FTCD: variants seen among roughly 807,000 people sequenced by gnomAD.
FTCD encodes the protein formimidoyltransferase cyclodeaminase.
Under a neutral mutation model 62.9 loss-of-function variants are expected in FTCD, and 76 were observed. That is an observed-to-expected ratio of 1.21 (90% CI 1.00 to 1.46). The LOEUF (loss-of-function observed/expected upper bound fraction) is 1.46, where lower values mean the gene tolerates loss of function less well. Ranked by LOEUF, FTCD falls within the 40% of genes most tolerant of loss-of-function variation. FTCD has a pLI of 0.00. For missense variants in FTCD, 845 were observed against 751.3 expected (o/e 1.12, Z -1.46); for synonymous variants, 397 against 336.9 (o/e 1.18, Z -1.95).
At chr21:46,151,147 G>A (rs2123561211) in intron 5 of FTCD, among the ~76,000 whole-genome samples, 1 of 152,336 alleles carries the variant, frequency 6.6e-6, no homozygotes, top group African/African-American at 2.4e-5. Flanking sequence ...CCACTGCTGT[G>A]CAGACGTGGA....
At chr21:46,141,881 C>T (rs573344264) in intron 10 of FTCD, among the ~76,000 whole-genome samples, 1 of 152,284 alleles carries the variant, frequency 6.6e-6, no homozygotes, top group East Asian at 1.9e-4. Context: ...TCCCAGAAAG[C>T]AGGGTTCTGC....
At chr21:46,138,690 G>T in intron 11 of FTCD, 44 bp from the exon 12 acceptor site, 1 of 1,583,448 alleles carries the variant, frequency 6.3e-7, no homozygotes, top group Non-Finnish European at 8.6e-7. Context: ...GGCACACACA[G>T]GCAGGCAGTG....
chr21:46,152,120 C>T (rs953314758), intron 3 of FTCD, 140 bp from the exon 4 acceptor site: 10 of 630,258 alleles, frequency 1.6e-5, no homozygotes, highest in East Asian at 2.8e-5. Flanking sequence ...AGTGCCCGTT[C>T]TCCGCCTTGG....
intron 2 of FTCD, 124 bp downstream of exon 2, chr21:46,154,025 G>T: frequency 1.0e-6 from 1 of 977,694 alleles, no homozygotes; most frequent in Non-Finnish European, 1.6e-6. Flanking sequence ...GCCAGAGCCA[G>T]CCCCACTGGA....
Position 46,150,486 on chromosome 21 carries a change from G to C in FTCD, c.676C>G (p.Leu226Val). Residue 226 changes from leucine to valine, a missense_variant, in exon 6 of 14, where the codon CTG becomes GTG. Coordinates refer to ENST00000397746, the MANE Select transcript of FTCD (RefSeq NM_206965.2). ...LKKVQGIGWY[L>V]DEKNLAQVST... The stretch of plus-strand genomic sequence containing the variant: ...ACCTGAGCCAGGTTCTTCTCATCCA[G>C]GTACCAGCCAATGCCCTGAACTTTC... 6.2e-7 allele frequency: 1 copy of C among 1,613,180 alleles called. No homozygotes were observed. Among genetic ancestry groups the C allele is most frequent in the South Asian group, 1.1e-5 (1 of 91,076 alleles).
chr21:46,140,956 A>AGCACTCCCCGT (rs1308049237), intron 10 of FTCD, among the ~76,000 whole-genome samples: 8 of 151,256 alleles, frequency 5.3e-5, no homozygotes, highest in Admixed American at 2.6e-4. Flanking sequence ...AAACCAATCC[A>AGCACTCCCCGT]CTGATTTCGA....
At chr21:46,147,977 C>T (rs887259442) in intron 7 of FTCD, among the ~76,000 whole-genome samples, 1 of 151,554 alleles carries the variant, frequency 6.6e-6, no homozygotes, top group Admixed American at 6.6e-5. Flanking sequence ...GACAAAACGC[C>T]ACACTGGAAA....
At chr21:46,147,107 T>G (rs569547692) in intron 7 of FTCD, among the ~76,000 whole-genome samples, 18 of 152,322 alleles carry the variant, frequency 1.2e-4, no homozygotes, top group African/African-American at 3.6e-4. Flanking sequence ...GGGTCTGCCC[T>G]GGGGGCAACT....
intron 10 of FTCD, among the ~76,000 whole-genome samples, chr21:46,142,911 A>G (rs1262193535): frequency 1.3e-5 from 2 of 152,198 alleles, no homozygotes; most frequent in Non-Finnish European, 2.9e-5. Context: ...TACTTTAGCT[A>G]GACAGAGAAG....
chr21:46,140,099 T>G (rs1339546635), intron 10 of FTCD, among the ~76,000 whole-genome samples: 1 of 151,154 alleles, frequency 6.6e-6, no homozygotes, highest in Admixed American at 6.6e-5. Context: ...AGATATCTCC[T>G]TATGTTTTTC....
intron 7 of FTCD, chr21:46,146,670 C>G: frequency 2.5e-6 from 1 of 407,094 alleles, no homozygotes; most frequent in Non-Finnish European, 4.5e-6. Flanking sequence ...ACTGCCCCAT[C>G]GCTGACGGGC....
At chr21:46,139,375 G>A (rs185843110) in intron 10 of FTCD, among the ~76,000 whole-genome samples, 20 of 152,304 alleles carry the variant, frequency 1.3e-4, no homozygotes, top group African/African-American at 4.3e-4. Flanking sequence ...CCCGGTCACA[G>A]GCACTGGCCT....
chr21:46,151,717 C>T lies in FTCD; in HGVS notation c.477G>A (p.Ala159=), dbSNP rs764924772. The T allele has an allele frequency of 6.1e-5, 99 of 1,612,896 alleles. 1 individual carries two copies. The East Asian group carries it at 1.2e-3, about 19-fold the overall frequency. ...CAAAGGAGCTGGGACCAAAGTCGGG[C>T]GCCCAGTCGGCCTGCTGGAGCTGTG... ...LPKKLQQADW[A]PDFGPSSFVP... Residue 159 remains alanine (A), a synonymous_variant, in exon 5 of 14, where the codon GCG becomes GCA. Coordinates refer to ENST00000397746, the MANE Select transcript of FTCD (RefSeq NM_206965.2).
At chr21:46,152,687 C>T (rs955491257) in intron 3 of FTCD, 7 of 493,738 alleles carry the variant, frequency 1.4e-5, no homozygotes, top group African/African-American at 1.4e-4. Flanking sequence ...TGTGCAGCTG[C>T]TCTGCGGTGT....
In FTCD at chr21:46,154,200, G is replaced by C; in HGVS notation, c.187C>G (p.Leu63Val). ...GPPECVVEGA[L>V]NAARVASRLI... is the part of the protein sequence containing the mutation. The stretch of plus-strand genomic sequence containing the variant: ...CGGGAAGCTACCCGGGCAGCGTTGA[G>C]GGCCCCCTCCACCACGCACTCCGGC... The change falls in exon 2 of 14, where the codon CTC becomes GTC. Residue 63 changes from leucine (L) to valine (V), a missense_variant. Coordinates refer to ENST00000397746, the MANE Select transcript of FTCD (RefSeq NM_206965.2). 2 of 1,612,808 alleles carry C rather than the reference G, an allele frequency of 1.2e-6. No individual in the cohort carries two copies. Among genetic ancestry groups the C allele is most frequent in the South Asian group, 2.2e-5 (2 of 91,088 alleles).
chr21:46,144,184 A>C (rs993371383), intron 10 of FTCD, among the ~76,000 whole-genome samples: 14 of 151,710 alleles, frequency 9.2e-5, no homozygotes, highest in Non-Finnish European at 1.9e-4. Flanking sequence ...CTTTGTATCC[A>C]ATAAATAACA....
intron 1 of FTCD, among the ~76,000 whole-genome samples, chr21:46,154,594 G>A (rs573181563): frequency 3.2e-4 from 48 of 152,344 alleles, no homozygotes; most frequent in African/African-American, 9.6e-4. Context: ...AGAGACTCAC[G>A]GGCTCTGCTC....
In FTCD at chr21:46,145,477, C is replaced by T. The variant is rs771192668; in HGVS notation, c.1200G>A (p.Glu400=). ...CCAGCGTGGTTAGCTTGGCCGAAGC[C>T]TCGCGGAAGGGCGGGATCAGGCGCC... ...TMRRLIPPFR[E]ASAKLTTLVD... Residue 400 remains glutamate, a synonymous_variant, in exon 10 of 14, where the codon GAG becomes GAA. Coordinates refer to ENST00000397746, the MANE Select transcript of FTCD (RefSeq NM_206965.2). The T allele has an allele frequency of 6.4e-7, 1 of 1,558,734 alleles. No individual in the cohort carries two copies. Among genetic ancestry groups the T allele is most frequent in the South Asian group, 1.2e-5 (1 of 84,640 alleles).
intron 5 of FTCD, among the ~76,000 whole-genome samples, 161 bp downstream of exon 5, chr21:46,151,397 G>A (rs943558318): frequency 1.8e-4 from 27 of 152,230 alleles, no homozygotes; most frequent in African/African-American, 3.1e-4. Context: ...CGCGGTCCCC[G>A]CACGGTGTGG....
Sources: allele counts gnomAD v4.1 joint callset (sites outside exome capture counted in the v4.1 genomes callset), GRCh38; gene constraint gnomAD v4.1.1; transcripts MANE v1.5; gene names NCBI Gene and HGNC (gene_info 2026-07-23, HGNC 2026-07-21).